Variants in MAPRE2 observed in about 807,000 individuals in gnomAD.
MAPRE2 encodes the protein microtubule-associated protein RP/EB family member 2.
Under a neutral mutation model 43.2 loss-of-function variants are expected in MAPRE2, and 13 were observed. The observed-to-expected ratio is 0.30, with a 90% CI of 0.20 to 0.48. The LOEUF is 0.48. MAPRE2 is among the 20% of genes least tolerant of loss of function. The pLI is 0.99. For synonymous variants in MAPRE2, 135 were observed against 148.8 expected (o/e 0.91, Z 0.68); for missense variants, 161 against 400.2 (o/e 0.40, Z 5.10).
chr18:35,028,441 T>C (rs931341606), intron 2 of MAPRE2, among the ~76,000 whole-genome samples: 2 of 152,228 alleles, frequency 1.3e-5, no homozygotes, highest in Non-Finnish European at 2.9e-5. Flanking sequence ...ATGCAAAATA[T>C]AGTAAATATA....
At chr18:35,109,056 T>C (rs1909049165) in intron 4 of MAPRE2, among the ~76,000 whole-genome samples, 2 of 152,224 alleles carry the variant, frequency 1.3e-5, no homozygotes, top group Non-Finnish European at 2.9e-5. Flanking sequence ...CCCATGCCTA[T>C]GTCCTGAATG....
intron 1 of MAPRE2, among the ~76,000 whole-genome samples, chr18:34,980,901 A>G (rs2097015891): frequency 6.6e-6 from 1 of 152,164 alleles, no homozygotes; most frequent in Admixed American, 6.6e-5. Context: ...AAATAGCATA[A>G]GTACATTTAA....
intron 1 of MAPRE2, among the ~76,000 whole-genome samples, chr18:35,001,029 G>T (rs975421613): frequency 6.6e-6 from 1 of 152,096 alleles, no homozygotes; most frequent in Non-Finnish European, 1.5e-5. Context: ...GAGGTTGAGG[G>T]TGCAGTACAT....
chr18:35,012,361 A>G (rs2097035340), intron 2 of MAPRE2, among the ~76,000 whole-genome samples: 1 of 152,148 alleles, frequency 6.6e-6, no homozygotes, highest in Non-Finnish European at 1.5e-5. Context: ...GCCCAAGGAG[A>G]GTATAGAATG....
chr18:35,096,022 G>C (rs2144165222), intron 2 of MAPRE2, among the ~76,000 whole-genome samples: 1 of 152,242 alleles, frequency 6.6e-6, no homozygotes, highest in South Asian at 2.1e-4. Context: ...CTACAAAATA[G>C]GAGTTGCCCC....
chr18:35,052,644 G>A (rs771346305), intron 1 of MAPRE2, among the ~76,000 whole-genome samples: 6 of 152,170 alleles, frequency 3.9e-5, no homozygotes, highest in Non-Finnish European at 8.8e-5. Flanking sequence ...GCAAACAGTT[G>A]TCCAAAATGG....
chr18:35,125,678 A>G (rs944782567), intron 4 of MAPRE2, among the ~76,000 whole-genome samples: 1 of 152,232 alleles, frequency 6.6e-6, no homozygotes, highest in Non-Finnish European at 1.5e-5. Flanking sequence ...TTGGAATTTC[A>G]TAATCCATGA....
intron 1 of MAPRE2, among the ~76,000 whole-genome samples, chr18:34,983,334 A>G (rs2097017369): frequency 6.6e-6 from 1 of 152,194 alleles, no homozygotes; most frequent in Non-Finnish European, 1.5e-5. Flanking sequence ...AAAACTTCTG[A>G]ATCCAAACAA....
At chr18:35,101,117 G>C (rs1908657037) in intron 3 of MAPRE2, among the ~76,000 whole-genome samples, 1 of 152,216 alleles carries the variant, frequency 6.6e-6, no homozygotes, top group Non-Finnish European at 1.5e-5. Flanking sequence ...TTTCCAGAGA[G>C]ACGTTTTGAG....
intron 4 of MAPRE2, among the ~76,000 whole-genome samples, chr18:35,108,306 C>G (rs1330425013): frequency 6.6e-6 from 1 of 152,138 alleles, no homozygotes; most frequent in Non-Finnish European, 1.5e-5. Context: ...TGATCTCATT[C>G]CTTTTTATGG....
At chr18:34,988,000 C>G (rs2097021888) in intron 1 of MAPRE2, among the ~76,000 whole-genome samples, 1 of 152,170 alleles carries the variant, frequency 6.6e-6, no homozygotes, top group South Asian at 2.1e-4. Context: ...ATATATAATT[C>G]TGGATTTTCC....
intron 1 of MAPRE2, among the ~76,000 whole-genome samples, chr18:34,997,602 G>T (rs972584283): frequency 6.6e-6 from 1 of 152,110 alleles, no homozygotes; most frequent in Non-Finnish European, 1.5e-5. Flanking sequence ...GATCCCCTGA[G>T]GTAAAGAGTT....
chr18:35,092,333 T>G (rs1269841417), intron 2 of MAPRE2, among the ~76,000 whole-genome samples: 1 of 152,208 alleles, frequency 6.6e-6, no homozygotes. Flanking sequence ...AGCCAACTGA[T>G]TTTTGACCAC....
At chr18:35,077,802 G>A (rs1907442918) in intron 2 of MAPRE2, among the ~76,000 whole-genome samples, 1 of 152,078 alleles carries the variant, frequency 6.6e-6, no homozygotes, top group Non-Finnish European at 1.5e-5. Flanking sequence ...TATATGATAA[G>A]TTGCTTTCTT....
In MAPRE2 at chr18:34,987,141, TA is replaced by T. The variant is rs200215594; in HGVS notation, c.-70+10063del. ...TAGCAATGTTTTTAATTTTGTAAGA[TA>T]TTTTAAAGTACTTTCTATTCTTTCA... On this transcript the variant is annotated intron_variant, in intron 1 of 7. Transcript: ENST00000413393. Among the ~76,000 whole-genome samples the T allele has an allele frequency of 1.6e-3, 240 of 152,360 alleles. 4 individuals are homozygous for T. The East Asian group carries it at 0.03, about 19-fold the overall frequency.
At chr18:35,102,459 A>G (rs201706497) in intron 4 of MAPRE2, among the ~76,000 whole-genome samples, 2 of 152,166 alleles carry the variant, frequency 1.3e-5, no homozygotes, top group East Asian at 3.8e-4. Flanking sequence ...TTTTTCGAGA[A>G]ATTTCAAGTA....
chr18:34,996,062 C>G (rs2097026353), intron 1 of MAPRE2, among the ~76,000 whole-genome samples: 1 of 152,176 alleles, frequency 6.6e-6, no homozygotes, highest in Non-Finnish European at 1.5e-5. Context: ...TTGTTTTCCT[C>G]TAATTTTCAG....
At chr18:35,027,175 C>T (rs891253007) in intron 2 of MAPRE2, among the ~76,000 whole-genome samples, 3 of 152,154 alleles carry the variant, frequency 2.0e-5, no homozygotes, top group African/African-American at 7.2e-5. Context: ...TCTCCCATCC[C>T]ACAGGTTTTC....
chr18:35,015,026 T>C (rs1319234611), intron 2 of MAPRE2, among the ~76,000 whole-genome samples: 2 of 152,136 alleles, frequency 1.3e-5, no homozygotes, highest in African/African-American at 4.8e-5. Context: ...CTGTGGTATA[T>C]GGAAAGAATG....
Sources: gnomAD v4.1 joint callset for allele counts (sites outside exome capture counted in the v4.1 genomes callset) on GRCh38, gnomAD v4.1.1 for gene constraint, MANE v1.5 for transcripts, NCBI Gene and HGNC (gene_info 2026-07-23, HGNC 2026-07-21) for gene names.